The following SPECC1 variants were observed in gnomAD, a reference collection of about 807,000 sequenced individuals.
The protein encoded by SPECC1 is sperm antigen with calponin homology and coiled-coil domains 1.
In SPECC1, 62 loss-of-function variants were observed where a neutral mutation model predicts 104.1. The observed-to-expected ratio is 0.60, with a 90% CI of 0.49 to 0.74. The LOEUF (loss-of-function observed/expected upper bound fraction) is 0.74. SPECC1 is among the 30% of genes least tolerant of loss of function. SPECC1 has a pLI of 0.00. For synonymous variants in SPECC1, 513 were observed against 501.6 expected, an observed-to-expected ratio of 1.02 and a Z score of -0.30; for missense variants, 1,306 against 1,310.5, an observed-to-expected ratio of 1.00 and a Z score of 0.05.
At chr17:20,141,668 G>A (rs975391269) in intron 3 of SPECC1, among the ~76,000 whole-genome samples, 30 of 152,116 alleles carry the variant, frequency 2.0e-4, no homozygotes, top group Admixed American at 2.0e-3. Context: ...AGATATTCCT[G>A]TCACTCCAGA....
chr17:20,087,856 T>G (rs1306880790), intron 1 of SPECC1, among the ~76,000 whole-genome samples: 1 of 152,030 alleles, frequency 6.6e-6, no homozygotes, highest in African/African-American at 2.4e-5. Flanking sequence ...CAGGGGCTGT[T>G]TGGTGGGGTG....
At chr17:20,023,175 C>T (rs1010538774) in intron 1 of SPECC1, among the ~76,000 whole-genome samples, 3 of 152,186 alleles carry the variant, frequency 2.0e-5, no homozygotes, top group Non-Finnish European at 4.4e-5. Flanking sequence ...CTTAGCTCTG[C>T]TCCTGTAGTG....
chr17:20,105,017 C>T (rs186950803), intron 2 of SPECC1, among the ~76,000 whole-genome samples: 252 of 152,092 alleles, frequency 1.7e-3, no homozygotes, highest in Non-Finnish European at 2.5e-3. Context: ...GAGCCTCCAA[C>T]ATTTATGTTC....
intron 12 of SPECC1, among the ~76,000 whole-genome samples, chr17:20,296,429 G>T (rs920510481): frequency 9.2e-5 from 14 of 152,262 alleles, no homozygotes; most frequent in East Asian, 3.9e-4. Context: ...TGTAGCCTTG[G>T]AGTATAGTTT....
At chr17:20,263,393 T>C (rs2040101820) in intron 12 of SPECC1, among the ~76,000 whole-genome samples, 1 of 147,478 alleles carries the variant, frequency 6.8e-6, no homozygotes, top group Non-Finnish European at 1.5e-5. Flanking sequence ...GGGGGAAGGA[T>C]AGCATTAGGA....
At chr17:20,266,717 G>C (rs2040231524) in intron 12 of SPECC1, among the ~76,000 whole-genome samples, 1 of 152,208 alleles carries the variant, frequency 6.6e-6, no homozygotes, top group Middle Eastern at 3.2e-3. Context: ...CATATGTACG[G>C]TATTTGAAGG....
At chr17:20,127,655 A>G (rs2049388262) in intron 3 of SPECC1, among the ~76,000 whole-genome samples, 1 of 151,992 alleles carries the variant, frequency 6.6e-6, no homozygotes, top group African/African-American at 2.4e-5. Context: ...AAATTTTTGC[A>G]TTATCTGGGG....
intron 3 of SPECC1, among the ~76,000 whole-genome samples, chr17:20,204,102 A>G (rs1466259037): frequency 1.3e-5 from 2 of 152,046 alleles, no homozygotes; most frequent in African/African-American, 2.4e-5. Context: ...CTGGCTGGGG[A>G]TGGGGTCATC....
chr17:20,297,923 C>T (rs751375974), intron 13 of SPECC1, among the ~76,000 whole-genome samples: 7 of 152,094 alleles, frequency 4.6e-5, no homozygotes, highest in Admixed American at 6.6e-5. Context: ...AATAAGCAAG[C>T]GAGTAGACTT....
intron 12 of SPECC1, among the ~76,000 whole-genome samples, chr17:20,293,404 C>T (rs758870859): frequency 6.6e-6 from 1 of 152,182 alleles, no homozygotes; most frequent in Non-Finnish European, 1.5e-5. Flanking sequence ...CATCCTGCCT[C>T]TCCTTTTCAG....
chr17:20,258,250 A>G (rs1388528166), intron 11 of SPECC1, among the ~76,000 whole-genome samples: 1 of 152,204 alleles, frequency 6.6e-6, no homozygotes, highest in Non-Finnish European at 1.5e-5. Context: ...TAAGGATTGA[A>G]GAGGCATTTT....
intron 3 of SPECC1, among the ~76,000 whole-genome samples, chr17:20,122,792 C>T (rs1202121127): frequency 1.3e-5 from 2 of 152,210 alleles, no homozygotes; most frequent in Non-Finnish European, 2.9e-5. Context: ...TACATCCACA[C>T]TGTAGCATGT....
intron 3 of SPECC1, among the ~76,000 whole-genome samples, chr17:20,159,521 G>T (rs932037134): frequency 1.3e-5 from 2 of 152,222 alleles, no homozygotes; most frequent in Non-Finnish European, 2.9e-5. Flanking sequence ...ATCTTTTCCA[G>T]ATGGAAGCTC....
At chr17:20,271,751 TTTTTTC>T (rs2040416440) in intron 12 of SPECC1, among the ~76,000 whole-genome samples, 1 of 152,104 alleles carries the variant, frequency 6.6e-6, no homozygotes, top group African/African-American at 2.4e-5. Context: ...TCCTATTCTT[TTTTTTC>T]CCCTTTGTTT....
At chr17:20,128,405 T>C (rs912770201) in intron 3 of SPECC1, among the ~76,000 whole-genome samples, 1 of 151,124 alleles carries the variant, frequency 6.6e-6, no homozygotes, top group Non-Finnish European at 1.5e-5. Flanking sequence ...AGATTCTGGA[T>C]GTAGGTATTT....
intron 1 of SPECC1, among the ~76,000 whole-genome samples, chr17:20,015,827 G>A (rs1388771498): frequency 2.0e-5 from 3 of 149,100 alleles, no homozygotes; most frequent in African/African-American, 2.4e-5. Context: ...CTCGTGATCC[G>A]CCCGCCTCGG....
intron 7 of SPECC1, among the ~76,000 whole-genome samples, chr17:20,240,677 A>G (rs1018605219): frequency 1.3e-5 from 2 of 152,130 alleles, no homozygotes; most frequent in Non-Finnish European, 2.9e-5. Flanking sequence ...TCCCACCTTT[A>G]CATGGTTTAT....
At chr17:20,046,398 A>G (rs1196165980) in intron 1 of SPECC1, among the ~76,000 whole-genome samples, 4 of 152,172 alleles carry the variant, frequency 2.6e-5, no homozygotes, top group African/African-American at 9.7e-5. Context: ...CCTAACTGGA[A>G]CTGGTACTAC....
At chr17:20,182,215 G>C (rs776210128) in intron 3 of SPECC1, among the ~76,000 whole-genome samples, 9 of 151,174 alleles carry the variant, frequency 6.0e-5, no homozygotes, top group Admixed American at 5.3e-4. Context: ...CAGGGCCCAG[G>C]TGATTCTCTC....
Sources: gnomAD v4.1 joint callset for allele counts (sites outside exome capture counted in the v4.1 genomes callset) on GRCh38, gnomAD v4.1.1 for gene constraint, MANE v1.5 for transcripts, NCBI Gene and HGNC (gene_info 2026-07-23, HGNC 2026-07-21) for gene names.